Variants in CNTNAP5 observed in about 807,000 individuals in gnomAD.
CNTNAP5 encodes the protein contactin-associated protein-like 5.
CNTNAP5 carries 72 observed loss-of-function variants against 150.2 expected under a neutral mutation model. That is an observed-to-expected ratio of 0.48 (90% CI 0.40 to 0.58). The LOEUF is 0.58. Ranked by LOEUF, CNTNAP5 falls within the 20% of genes least tolerant of loss-of-function variation. The pLI, the probability that CNTNAP5 is intolerant of heterozygous loss-of-function variation, is 0.00. For missense variants in CNTNAP5, 1,636 were observed against 1,626.2 expected (o/e 1.01, Z -0.10); for synonymous variants, 672 against 619.8 (o/e 1.08, Z -1.25).
In CNTNAP5 at chr2:124,382,098, A is replaced by G. The variant is rs554398842; in HGVS notation, c.382-35345A>G. On this transcript the variant is annotated intron_variant, in intron 3 of 23. Transcript: ENST00000682447. The stretch of plus-strand genomic sequence containing the variant: ...TGCATGCCCAAATAAATAACCTAGT[A>G]GAAAAAGAACACTCATGATAGAAGG... 2.0e-5 allele frequency among the ~76,000 whole-genome samples: 3 copies of G among 152,302 alleles called. No homozygotes were observed. The East Asian group carries it at 5.8e-4, about 29-fold the overall frequency.
intron 21 of CNTNAP5, among the ~76,000 whole-genome samples, chr2:124,883,347 C>T (rs1678008288): frequency 6.6e-6 from 1 of 151,886 alleles, no homozygotes; most frequent in Non-Finnish European, 1.5e-5. Flanking sequence ...CAGGTGTGAG[C>T]CACTGTGCCC....
intron 13 of CNTNAP5, among the ~76,000 whole-genome samples, chr2:124,741,811 T>C (rs975537597): frequency 1.8e-4 from 27 of 152,092 alleles, no homozygotes; most frequent in African/African-American, 6.5e-4. Context: ...TTTTACTTCC[T>C]CTCCCTCCTC....
intron 21 of CNTNAP5, among the ~76,000 whole-genome samples, chr2:124,896,665 A>G (rs879575243): frequency 2.6e-5 from 4 of 151,272 alleles, no homozygotes; most frequent in Admixed American, 2.0e-4. Context: ...CAGCCTCCCA[A>G]GTAGCTGAGA....
chr2:124,594,006 G>C (rs1310006171), intron 11 of CNTNAP5, among the ~76,000 whole-genome samples: 5 of 98,830 alleles, frequency 5.1e-5, no homozygotes, highest in Admixed American at 2.5e-4. Flanking sequence ...TTGTAAATTT[G>C]TTTGAGTTCA....
chr2:124,423,885 C>T (rs1000477236), intron 4 of CNTNAP5, among the ~76,000 whole-genome samples: 4 of 150,478 alleles, frequency 2.7e-5, no homozygotes, highest in Admixed American at 1.3e-4. Context: ...AGGATGGTCT[C>T]GATCTCCTGA....
chr2:124,044,167 G>C (rs974830864), intron 1 of CNTNAP5, among the ~76,000 whole-genome samples: 1 of 152,156 alleles, frequency 6.6e-6, no homozygotes, highest in Non-Finnish European at 1.5e-5. Context: ...ATAGCAATAG[G>C]AGTACTGCTT....
At chr2:124,845,716 C>T (rs72848765) in intron 19 of CNTNAP5, among the ~76,000 whole-genome samples, 5,309 of 151,964 alleles carry the variant, frequency 0.035, 123 homozygotes, top group Non-Finnish European at 0.047. Context: ...TAATCTAGGA[C>T]GGTTGTGTAT....
chr2:124,178,907 GTTATTTATTTAT>G (rs199781615), intron 1 of CNTNAP5, among the ~76,000 whole-genome samples: 24,136 of 141,040 alleles, frequency 0.17, 2,720 homozygotes, highest in East Asian at 0.37. Context: ...ATTTTTATTT[GTTATTTATTTAT>G]TTATTTATTT....
At position 124,569,388 on chromosome 2, in the gene CNTNAP5, C is replaced by T. The variant is rs533381018; in HGVS notation, c.1756+6065C>T. Among the ~76,000 whole-genome samples the T allele has an allele frequency of 2.0e-5, 3 of 149,850 alleles. No individual in the cohort carries two copies. The South Asian group carries it at 6.2e-4, about 31-fold the overall frequency. ...AAAAAAAGAGATTTTTTTCAGATGA[C>T]TTGTATTATAGGAATAAGATTGCTT... On this transcript the variant is annotated intron_variant, in intron 11 of 23. Transcript: ENST00000682447.
chr2:124,546,187 C>T (rs968149307), intron 10 of CNTNAP5, among the ~76,000 whole-genome samples: 1 of 152,082 alleles, frequency 6.6e-6, no homozygotes, highest in Non-Finnish European at 1.5e-5. Context: ...AAAGACATTT[C>T]TTTATTGAAT....
chr2:124,213,082 C>T (rs934301551), intron 1 of CNTNAP5, among the ~76,000 whole-genome samples: 1 of 152,098 alleles, frequency 6.6e-6, no homozygotes, highest in Non-Finnish European at 1.5e-5. Flanking sequence ...TCGTGATCCG[C>T]CTGCCTTGGC....
chr2:124,111,075 C>T (rs1450726326), intron 1 of CNTNAP5, among the ~76,000 whole-genome samples: 1 of 152,114 alleles, frequency 6.6e-6, no homozygotes, highest in Non-Finnish European at 1.5e-5. Flanking sequence ...ATTTATGTAG[C>T]ATAAATACTG....
chr2:124,856,349 T>C (rs74624357), intron 19 of CNTNAP5, among the ~76,000 whole-genome samples: 1,748 of 152,190 alleles, frequency 0.011, 8 homozygotes, highest in Middle Eastern at 0.041. Flanking sequence ...CCTGTGTAGA[T>C]ACCCAGTAGT....
chr2:124,545,800 T>G lies in CNTNAP5; in HGVS notation c.1650-17417T>G, dbSNP rs181603740. 9.1e-4 allele frequency among the ~76,000 whole-genome samples: 138 copies of G among 152,264 alleles called. 2 individuals are homozygous for G. The highest frequency in any genetic ancestry group is 7.0e-3 in the Admixed American group (107 of 15,290). On this transcript the variant is annotated intron_variant, in intron 10 of 23. Coordinates refer to ENST00000682447, the MANE Select transcript of CNTNAP5 (RefSeq NM_001367498.1). Reference sequence around the variant, plus strand: ...GGATGGGTTACAAATAATTTTAAAATTCAGCCTCAAGCCAAGTACAGTAGC... The same window carrying G: ...GGATGGGTTACAAATAATTTTAAAAGTCAGCCTCAAGCCAAGTACAGTAGC...
intron 19 of CNTNAP5, among the ~76,000 whole-genome samples, chr2:124,847,608 C>T (rs1486365012): frequency 6.6e-6 from 1 of 152,116 alleles, no homozygotes; most frequent in East Asian, 1.9e-4. Flanking sequence ...AGTGGTGATC[C>T]AGTTCCTTCA....
chr2:124,691,420 T>A (rs1057507120), intron 13 of CNTNAP5, among the ~76,000 whole-genome samples: 2 of 152,064 alleles, frequency 1.3e-5, no homozygotes, highest in Non-Finnish European at 2.9e-5. Context: ...TTCTAGTTTC[T>A]ATGCCTAGCC....
intron 13 of CNTNAP5, among the ~76,000 whole-genome samples, chr2:124,720,611 G>GAGTT (rs1680029762): frequency 6.6e-6 from 1 of 152,162 alleles, no homozygotes; most frequent in African/African-American, 2.4e-5. Context: ...TATTTTAGTA[G>GAGTT]AGTTAGGCAT....
At chr2:124,732,034 C>G (rs1244166068) in intron 13 of CNTNAP5, among the ~76,000 whole-genome samples, 1 of 152,034 alleles carries the variant, frequency 6.6e-6, no homozygotes, top group Non-Finnish European at 1.5e-5. Flanking sequence ...AGTTTTTCAT[C>G]TTAGTATATT....
intron 12 of CNTNAP5, among the ~76,000 whole-genome samples, chr2:124,640,853 C>T (rs1043704987): frequency 2.0e-5 from 3 of 151,784 alleles, no homozygotes; most frequent in African/African-American, 4.8e-5. Context: ...CAGGCTGGGC[C>T]CGGTGGCTCA....
Sources: gnomAD v4.1 joint callset for allele counts (sites outside exome capture counted in the v4.1 genomes callset) on GRCh38, gnomAD v4.1.1 for gene constraint, MANE v1.5 for transcripts, NCBI Gene and HGNC (gene_info 2026-07-23, HGNC 2026-07-21) for gene names.